TENM4: variants seen among roughly 807,000 people sequenced by gnomAD.
TENM4 encodes the protein teneurin-4.
A neutral mutation model predicts 243.3 loss-of-function variants in TENM4; 82 were observed. The ratio of observed to expected loss-of-function variants is 0.34; its 90% CI spans 0.28 to 0.40. The LOEUF (loss-of-function observed/expected upper bound fraction) is 0.40. Ranked by LOEUF, TENM4 falls within the 10% of genes least tolerant of loss-of-function variation. TENM4 has a pLI of 1.00. For synonymous variants in TENM4, 1,412 were observed against 1,456.3 expected (o/e 0.97, Z 0.69); for missense variants, 3,138 against 3,673.3 (o/e 0.85, Z 3.77).
chr11:79,241,684 G>T (rs908992802), intron 2 of TENM4, among the ~76,000 whole-genome samples: 1 of 152,152 alleles, frequency 6.6e-6, no homozygotes, highest in African/African-American at 2.4e-5. Context: ...TGTGCAGAGG[G>T]ACAGAATCAA....
At position 78,951,662 on chromosome 11, in the gene TENM4, A is replaced by G. The variant is rs981336331; in HGVS notation, c.494-48139T>C. ...TCTTGCTGTGTCTCACATGGAGGAG[A>G]GAGAGCTCTTTGGGGTCTCTTCCTC... On this transcript the variant is annotated intron_variant, in intron 6 of 33. Transcript: ENST00000278550. 7.9e-5 allele frequency among the ~76,000 whole-genome samples: 12 copies of G among 152,226 alleles called. No individual in the cohort carries two copies. In the South Asian group the frequency reaches 2.3e-3, roughly 29 times the overall value.
chr11:79,337,210 G>T (rs1451971826), intron 1 of TENM4, among the ~76,000 whole-genome samples: 1 of 152,166 alleles, frequency 6.6e-6, no homozygotes, highest in Admixed American at 6.5e-5. Context: ...AATATACAAG[G>T]AATCGGCCTG....
intron 19 of TENM4, among the ~76,000 whole-genome samples, chr11:78,739,141 G>C (rs1211707763): frequency 6.6e-6 from 1 of 152,158 alleles, no homozygotes; most frequent in Non-Finnish European, 1.5e-5. Flanking sequence ...ACAGATGCTA[G>C]CATGCTCTCA....
intron 12 of TENM4, among the ~76,000 whole-genome samples, chr11:78,834,562 C>G (rs1239138054): frequency 1.1e-4 from 17 of 152,166 alleles, no homozygotes; most frequent in Admixed American, 1.1e-3. Context: ...TTGGTCCCCC[C>G]ACTCTTCTGC....
intron 7 of TENM4, among the ~76,000 whole-genome samples, chr11:78,894,272 C>T (rs1223466134): frequency 2.6e-5 from 4 of 152,064 alleles, no homozygotes; most frequent in Non-Finnish European, 5.9e-5. Context: ...ATGGCATGCT[C>T]CCTAGAAGAC....
chr11:79,423,535 ATT>A (rs67697266), intron 1 of TENM4, among the ~76,000 whole-genome samples: 2,608 of 113,784 alleles, frequency 0.023, 32 homozygotes, highest in African/African-American at 0.077. Flanking sequence ...TTACAAGTGC[ATT>A]TTTTTTTTTT....
chr11:78,972,515 A>G (rs1027970661), intron 6 of TENM4, among the ~76,000 whole-genome samples: 2 of 152,106 alleles, frequency 1.3e-5, no homozygotes, highest in Non-Finnish European at 2.9e-5. Context: ...CCTCTGTTTC[A>G]CCCGCCTGCC....
rs749650726 is a variant in TENM4, at chr11:79,069,740, C to T, written c.205G>A (p.Glu69Lys). Residue 69 changes from glutamate (E) to lysine (K), a missense_variant, in exon 5 of 34, where the codon GAG becomes AAG. Around this residue, in one of 2 missense-constraint regions of TENM4, gnomAD observed 671 missense variants for 614.1 expected, o/e 1.09. Coordinates refer to ENST00000278550, the MANE Select transcript of TENM4 (RefSeq NM_001098816.3). ...RVKDIVPQEA[E>K]EFCRTGANFT... The stretch of plus-strand genomic sequence containing the variant: ...TCCTTACCTGTGCGGCAGAATTCCT[C>T]GGCCTCCTGCGGCACAATGTCCTTG... The T allele has an allele frequency of 1.9e-5, 29 of 1,550,704 alleles. No individual in the cohort carries two copies. In the Middle Eastern group the frequency reaches 1.0e-3, roughly 53 times the overall value.
At chr11:79,256,404 G>A (rs1041863731) in intron 2 of TENM4, among the ~76,000 whole-genome samples, 1 of 152,146 alleles carries the variant, frequency 6.6e-6, no homozygotes, top group African/African-American at 2.4e-5. Flanking sequence ...CCAGGGAAGT[G>A]GAGAGGCTGA....
intron 6 of TENM4, among the ~76,000 whole-genome samples, chr11:78,955,524 C>T (rs1013024548): frequency 6.6e-6 from 1 of 152,154 alleles, no homozygotes; most frequent in Non-Finnish European, 1.5e-5. Flanking sequence ...ATGTGCCTTC[C>T]TCGGGGAGTG....
At chr11:79,307,107 T>C (rs1040267278) in intron 1 of TENM4, among the ~76,000 whole-genome samples, 1 of 152,204 alleles carries the variant, frequency 6.6e-6, no homozygotes, top group Non-Finnish European at 1.5e-5. Context: ...TTCCACTCCA[T>C]GTTCATAATA....
At chr11:78,843,613 G>C (rs1411429320) in intron 12 of TENM4, among the ~76,000 whole-genome samples, 1 of 152,184 alleles carries the variant, frequency 6.6e-6, no homozygotes, top group East Asian at 1.9e-4. Flanking sequence ...AGAAGAATTT[G>C]TAAAGATTGA....
At chr11:79,129,777 G>A (rs1034901689) in intron 4 of TENM4, among the ~76,000 whole-genome samples, 22 of 152,014 alleles carry the variant, frequency 1.4e-4, no homozygotes, top group African/African-American at 4.8e-4. Context: ...CCCTGCCCCC[G>A]ACCTGATGGT....
Position 79,013,063 on chromosome 11 carries a change from G to A in TENM4, c.493+51675C>T, listed in dbSNP as rs1290237692. 5.3e-5 allele frequency among the ~76,000 whole-genome samples: 8 copies of A among 152,178 alleles called. No homozygotes were observed. The East Asian group carries it at 1.3e-3, about 26-fold the overall frequency. On this transcript the variant is annotated intron_variant, in intron 6 of 33. Coordinates refer to ENST00000278550, the MANE Select transcript of TENM4 (RefSeq NM_001098816.3). ...CACGAACAAGATTTATGCAGTCCTT[G>A]GAAATGGCTTTCCTACTAATAACTG...
intron 26 of TENM4, among the ~76,000 whole-genome samples, chr11:78,711,041 A>C (rs986799811): frequency 3.9e-5 from 6 of 152,216 alleles, no homozygotes; most frequent in Non-Finnish European, 8.8e-5. Flanking sequence ...CCAGAGGAGG[A>C]GGTCCCAGGG....
intron 2 of TENM4, among the ~76,000 whole-genome samples, chr11:79,252,297 C>T (rs928107032): frequency 4.6e-5 from 7 of 152,178 alleles, no homozygotes; most frequent in African/African-American, 7.2e-5. Context: ...TGCAGTGGCG[C>T]GATCTTGGCT....
intron 1 of TENM4, among the ~76,000 whole-genome samples, chr11:79,323,231 C>T (rs1418883449): frequency 1.3e-5 from 2 of 152,190 alleles, no homozygotes; most frequent in East Asian, 3.8e-4. Flanking sequence ...AAATCCTGAT[C>T]CCAGAAGGCC....
In TENM4 at chr11:78,889,933, A is replaced by G; in HGVS notation, c.936T>C (p.Ser312=). ...GYPLTSSTVY[S]PPPRPLPRST... ...TGCGGGGCAGGGGTCGGGGCGGAGG[A>G]GAGTACACTGTGCTGGACGTCAGTG... The change falls in exon 9 of 34, where the codon TCT becomes TCC. Residue 312 remains serine (S), a synonymous_variant. Coordinates refer to ENST00000278550, the MANE Select transcript of TENM4 (RefSeq NM_001098816.3). 6.4e-7 allele frequency: 1 copy of G among 1,551,622 alleles called. No individual in the cohort carries two copies. The highest frequency in any genetic ancestry group is 8.7e-7 in the Non-Finnish European group (1 of 1,146,996).
chr11:78,786,782 G>T (rs1856944254), intron 16 of TENM4, 116 bp downstream of exon 16: 5 of 1,405,038 alleles, frequency 3.6e-6, no homozygotes, highest in South Asian at 1.3e-5. Flanking sequence ...CAGATGAAAG[G>T]ACTTTCTTCC....
Sources: allele counts gnomAD v4.1 joint callset (sites outside exome capture counted in the v4.1 genomes callset), GRCh38; gene constraint gnomAD v4.1.1; regional missense constraint gnomAD v4.1.1; transcripts MANE v1.5; gene names NCBI Gene and HGNC (gene_info 2026-07-23, HGNC 2026-07-21).